The following BRINP3 variants were observed in gnomAD, a reference collection of about 807,000 sequenced individuals.
BRINP3 encodes BMP/retinoic acid inducible neural specific 3, also known as BMP/retinoic acid-inducible neural-specific protein 3.
A neutral mutation model predicts 71.0 loss-of-function variants in BRINP3; 19 were observed. The observed-to-expected ratio is 0.27, with a 90% CI of 0.19 to 0.39. BRINP3 has a LOEUF of 0.39. BRINP3 is among the 10% of genes least tolerant of loss of function. BRINP3 has a pLI of 1.00. For synonymous variants in BRINP3, 380 were observed against 337.7 expected, an observed-to-expected ratio of 1.13 and a Z score of -1.37; for missense variants, 959 against 940.8, an observed-to-expected ratio of 1.02 and a Z score of -0.25.
intron 2 of BRINP3, among the ~76,000 whole-genome samples, chr1:190,285,691 G>A (rs1663368123): frequency 6.6e-6 from 1 of 151,362 alleles, no homozygotes; most frequent in Admixed American, 6.6e-5. Flanking sequence ...GCTAATGTCT[G>A]TATATAAATT....
intron 2 of BRINP3, among the ~76,000 whole-genome samples, chr1:190,404,084 G>A: frequency 6.6e-6 from 1 of 152,132 alleles, no homozygotes; most frequent in South Asian, 2.1e-4. Flanking sequence ...TGAGCAGGAG[G>A]AAAGTTATAA....
chr1:190,188,855 G>A (rs181401503), intron 6 of BRINP3, among the ~76,000 whole-genome samples: 24 of 151,788 alleles, frequency 1.6e-4, no homozygotes, highest in African/African-American at 5.6e-4. Context: ...CTGCCTCCTG[G>A]GTTCAAGCGA....
chr1:190,235,375 T>A (rs976402978), intron 4 of BRINP3, among the ~76,000 whole-genome samples: 1 of 152,068 alleles, frequency 6.6e-6, no homozygotes, highest in Non-Finnish European at 1.5e-5. Flanking sequence ...GATTTAAAAC[T>A]ATTTAAAGCA....
intron 6 of BRINP3, among the ~76,000 whole-genome samples, chr1:190,186,030 A>T (rs1436317398): frequency 2.6e-5 from 4 of 152,088 alleles, no homozygotes; most frequent in African/African-American, 9.7e-5. Context: ...GTATCCCATA[A>T]ATATATACAA....
intron 6 of BRINP3, among the ~76,000 whole-genome samples, chr1:190,189,313 A>G (rs1028688259): frequency 6.6e-6 from 1 of 151,906 alleles, no homozygotes; most frequent in Non-Finnish European, 1.5e-5. Flanking sequence ...TTTTGATTCA[A>G]TTTCCTTACT....
At position 190,110,094 on chromosome 1, in the gene BRINP3, T is replaced by C. The variant is rs969954733; in HGVS notation, c.1185-10960A>G. The stretch of plus-strand genomic sequence containing the variant: ...GACTAATACAATAAAGAGAACTCAC[T>C]ATGTACACGATGGGCTATGACACAT... On this transcript the variant is annotated intron_variant, in intron 7 of 7. Coordinates refer to ENST00000367462, the MANE Select transcript of BRINP3 (RefSeq NM_199051.3). 7.2e-5 allele frequency among the ~76,000 whole-genome samples: 11 copies of C among 152,356 alleles called. No homozygotes were observed. In the South Asian group the frequency reaches 1.0e-3, roughly 14 times the overall value.
At chr1:190,236,576 T>G (rs933019060) in intron 4 of BRINP3, among the ~76,000 whole-genome samples, 7 of 151,998 alleles carry the variant, frequency 4.6e-5, no homozygotes, top group Non-Finnish European at 8.8e-5. Context: ...GAGTTGACAG[T>G]GTGGTTTATC....
chr1:190,244,958 T>G (rs993969194), intron 4 of BRINP3, among the ~76,000 whole-genome samples: 3 of 152,094 alleles, frequency 2.0e-5, no homozygotes, highest in Middle Eastern at 3.2e-3. Context: ...AAACTTTTTA[T>G]TATAGCCGTT....
intron 2 of BRINP3, among the ~76,000 whole-genome samples, chr1:190,440,115 T>C (rs552399271): frequency 6.6e-6 from 1 of 152,096 alleles, no homozygotes; most frequent in East Asian, 1.9e-4. Flanking sequence ...CTATTTGTAA[T>C]TTTTGTAAAA....
At chr1:190,302,880 A>G (rs1287514975) in intron 2 of BRINP3, 1 of 151,842 alleles carries the variant, frequency 6.6e-6, no homozygotes, top group Admixed American at 6.6e-5. Flanking sequence ...GAATACTATT[A>G]TATGTCCTTG....
intron 2 of BRINP3, among the ~76,000 whole-genome samples, chr1:190,346,747 G>A (rs931593850): frequency 1.3e-5 from 2 of 151,982 alleles, no homozygotes; most frequent in Admixed American, 6.6e-5. Flanking sequence ...CCCTAACAGC[G>A]ATCTCTGAAA....
intron 6 of BRINP3, among the ~76,000 whole-genome samples, chr1:190,169,092 A>C (rs903350265): frequency 6.6e-6 from 1 of 152,152 alleles, no homozygotes; most frequent in African/African-American, 2.4e-5. Flanking sequence ...AAAATATGAA[A>C]TGTGAAATAT....
At chr1:190,459,578 T>C (rs1249027739) in intron 1 of BRINP3, among the ~76,000 whole-genome samples, 1 of 152,006 alleles carries the variant, frequency 6.6e-6, no homozygotes, top group Non-Finnish European at 1.5e-5. Flanking sequence ...GTGGTGCATC[T>C]TTTAAACCTC....
chr1:190,203,275 T>C (rs1655166426), intron 6 of BRINP3, among the ~76,000 whole-genome samples: 1 of 152,014 alleles, frequency 6.6e-6, no homozygotes, highest in Non-Finnish European at 1.5e-5. Flanking sequence ...GAGAACAATC[T>C]ATATTTATTC....
intron 2 of BRINP3, among the ~76,000 whole-genome samples, chr1:190,368,710 C>T (rs1669666336): frequency 6.6e-6 from 1 of 152,048 alleles, no homozygotes; most frequent in Admixed American, 6.6e-5. Context: ...GGGTAATCAC[C>T]CCAGCACGTG....
chr1:190,405,841 A>G (rs576249391), intron 2 of BRINP3, among the ~76,000 whole-genome samples: 1 of 152,322 alleles, frequency 6.6e-6, no homozygotes, highest in African/African-American at 2.4e-5. Context: ...ACAAGTAACA[A>G]AATTAATCCA....
intron 6 of BRINP3, among the ~76,000 whole-genome samples, chr1:190,191,340 C>T (rs1349063429): frequency 1.3e-5 from 2 of 151,946 alleles, no homozygotes; most frequent in Admixed American, 1.3e-4. Flanking sequence ...AGGTTTGTTA[C>T]ACAGGTATAC....
At chr1:190,171,429 T>C (rs939092965) in intron 6 of BRINP3, among the ~76,000 whole-genome samples, 1 of 152,158 alleles carries the variant, frequency 6.6e-6, no homozygotes, top group African/African-American at 2.4e-5. Flanking sequence ...TACTCTCCTC[T>C]TGTAGGCCAA....
At chr1:190,244,857 T>C (rs1453757992) in intron 4 of BRINP3, among the ~76,000 whole-genome samples, 2 of 152,132 alleles carry the variant, frequency 1.3e-5, no homozygotes, top group African/African-American at 4.8e-5. Flanking sequence ...AATACTTCTA[T>C]CAAAAATTTT....
Sources: gnomAD v4.1 joint callset for allele counts (sites outside exome capture counted in the v4.1 genomes callset) on GRCh38, gnomAD v4.1.1 for gene constraint, MANE v1.5 for transcripts, NCBI Gene and HGNC (gene_info 2026-07-23, HGNC 2026-07-21) for gene names.